The following CDIN1 variants were observed in gnomAD, a reference collection of about 807,000 sequenced individuals.
CDIN1 encodes the protein CDAN1-interacting nuclease 1.
In CDIN1, 33 loss-of-function variants were observed where a neutral mutation model predicts 45.3. The observed-to-expected ratio is 0.73, with a 90% confidence interval of 0.55 to 0.97. CDIN1 has a LOEUF of 0.97. Among genes scored for constraint, CDIN1 ranks in the 50% least tolerant of loss-of-function variants. The pLI, the probability that CDIN1 is intolerant of heterozygous loss-of-function variation, is 0.00. For synonymous variants in CDIN1, 118 were observed against 124.4 expected (o/e 0.95, Z 0.34); for missense variants, 303 against 339.4 (o/e 0.89, Z 0.84).
At chr15:36,701,929 G>A in intron 8 of CDIN1, 1 of 612,134 alleles carries the variant, frequency 1.6e-6, no homozygotes, top group South Asian at 2.0e-5. Flanking sequence ...GAGTTCATCT[G>A]CCCCTGCTGC....
chr15:36,580,203 A>G (rs895883372), intron 1 of CDIN1, among the ~76,000 whole-genome samples: 1 of 152,234 alleles, frequency 6.6e-6, no homozygotes, highest in Non-Finnish European at 1.5e-5. Flanking sequence ...GTCAACAGAT[A>G]TTTATGGAAA....
intron 3 of CDIN1, among the ~76,000 whole-genome samples, chr15:36,648,359 T>A (rs933102139): frequency 6.6e-6 from 1 of 152,032 alleles, no homozygotes; most frequent in Non-Finnish European, 1.5e-5. Flanking sequence ...TTGCCTTATT[T>A]CATCATATGA....
chr15:36,618,189 G>A (rs558295127), intron 1 of CDIN1: 18 of 682,678 alleles, frequency 2.6e-5, no homozygotes, highest in African/African-American at 3.6e-5. Context: ...AATATGGGTC[G>A]ACCATTCCAA....
intron 10 of CDIN1, among the ~76,000 whole-genome samples, chr15:36,777,190 C>T (rs2054241153): frequency 6.6e-6 from 1 of 152,048 alleles, no homozygotes; most frequent in Non-Finnish European, 1.5e-5. Context: ...ATTTACTGAG[C>T]CCAGAGTGTG....
intron 5 of CDIN1, among the ~76,000 whole-genome samples, chr15:36,659,966 C>CTTTCTTT (rs2040933979): frequency 9.5e-6 from 1 of 105,150 alleles, no homozygotes; most frequent in African/African-American, 3.6e-5. Flanking sequence ...CCTTCCTTTT[C>CTTTCTTT]TTTTTTTTTT....
chr15:36,585,857 T>A (rs959817942), intron 1 of CDIN1, among the ~76,000 whole-genome samples: 3 of 152,208 alleles, frequency 2.0e-5, no homozygotes, highest in Admixed American at 2.0e-4. Context: ...AGAACTAGTA[T>A]GTTTTACTAT....
intron 1 of CDIN1, among the ~76,000 whole-genome samples, chr15:36,636,639 T>G (rs556648431): frequency 6.6e-6 from 1 of 152,228 alleles, no homozygotes; most frequent in East Asian, 1.9e-4. Context: ...GGCACATCTG[T>G]GGGTAAATCT....
chr15:36,637,269 G>A (rs1316055333), intron 1 of CDIN1, among the ~76,000 whole-genome samples: 5 of 152,208 alleles, frequency 3.3e-5, no homozygotes, highest in Non-Finnish European at 7.4e-5. Context: ...ACACCTAAAC[G>A]TAAAAGCCGA....
chr15:36,746,732 A>G (rs2044455819), intron 10 of CDIN1, among the ~76,000 whole-genome samples: 1 of 146,664 alleles, frequency 6.8e-6, no homozygotes, highest in Non-Finnish European at 1.5e-5. Flanking sequence ...ACAAGGTATC[A>G]TTAAAAGTTG....
rs552668659 is a variant in CDIN1, at chr15:36,650,835, A to G, written c.213-3263A>G. On this transcript the variant is annotated intron_variant, in intron 3 of 10. Coordinates refer to ENST00000566621, the MANE Select transcript of CDIN1 (RefSeq NM_001321759.2). ...CAGATTTTGATGGGAGGCAGAGGCA[A>G]GCGGATCACCTGAGATCAGGATTTC... Among the ~76,000 whole-genome samples, 6 of 152,242 alleles carry G rather than the reference A, an allele frequency of 3.9e-5. No individual in the cohort carries two copies. In the East Asian group the frequency reaches 1.2e-3, roughly 29 times the overall value.
chr15:36,775,390 G>A (rs1048548880), intron 10 of CDIN1, among the ~76,000 whole-genome samples: 2 of 152,086 alleles, frequency 1.3e-5, no homozygotes, highest in African/African-American at 4.8e-5. Context: ...TGAGTTCCCC[G>A]GCTGTTAACC....
chr15:36,661,985 CATT>C (rs1345397361), intron 5 of CDIN1, among the ~76,000 whole-genome samples: 1 of 152,112 alleles, frequency 6.6e-6, no homozygotes, highest in Admixed American at 6.5e-5. Flanking sequence ...GGGAGGTTGA[CATT>C]ATAATAAAAT....
intron 10 of CDIN1, among the ~76,000 whole-genome samples, chr15:36,766,734 A>G (rs963900796): frequency 2.0e-5 from 3 of 152,164 alleles, no homozygotes; most frequent in Non-Finnish European, 4.4e-5. Flanking sequence ...AAAAATGTCT[A>G]TTCAACTCCT....
At chr15:36,739,121 A>C (rs2044140303) in intron 10 of CDIN1, among the ~76,000 whole-genome samples, 1 of 152,228 alleles carries the variant, frequency 6.6e-6, no homozygotes, top group East Asian at 1.9e-4. Flanking sequence ...GGCTGGGTGC[A>C]GTGGCTCATG....
intron 5 of CDIN1, among the ~76,000 whole-genome samples, chr15:36,690,354 C>T (rs535379850): frequency 9.0e-4 from 136 of 151,938 alleles, no homozygotes; most frequent in Non-Finnish European, 1.7e-3. Context: ...CTGCAACCTC[C>T]GCCTCCCGGG....
intron 10 of CDIN1, among the ~76,000 whole-genome samples, chr15:36,797,376 C>G (rs1219235569): frequency 6.6e-6 from 1 of 152,148 alleles, no homozygotes; most frequent in Non-Finnish European, 1.5e-5. Context: ...AAAAGCCTAC[C>G]TAAACTGATT....
intron 1 of CDIN1, 50 bp downstream of exon 1, chr15:36,580,011 G>A (rs746486461): frequency 3.3e-6 from 5 of 1,528,682 alleles, no homozygotes; most frequent in Non-Finnish European, 3.6e-6. Flanking sequence ...CAGCAGCAGT[G>A]CCTGGGCCGC....
intron 5 of CDIN1, chr15:36,691,138 G>C (rs2042235583): frequency 1.9e-6 from 1 of 518,194 alleles, no homozygotes; most frequent in Non-Finnish European, 3.9e-6. Flanking sequence ...TTGTGGAATG[G>C]AGATAGGATT....
chr15:36,746,841 C>T, intron 10 of CDIN1: 1 of 281,230 alleles, frequency 3.6e-6, no homozygotes, highest in Non-Finnish European at 6.3e-6. Context: ...TCCCCCTCTT[C>T]CAGGCTCAAG....
Sources: allele counts gnomAD v4.1 joint callset (sites outside exome capture counted in the v4.1 genomes callset), GRCh38; gene constraint gnomAD v4.1.1; transcripts MANE v1.5; gene names NCBI Gene and HGNC (gene_info 2026-07-23, HGNC 2026-07-21).